ARHGAP15: variants seen among roughly 807,000 people sequenced by gnomAD.
The protein encoded by ARHGAP15 is rho GTPase-activating protein 15.
In ARHGAP15, 51 loss-of-function variants were observed where a neutral mutation model predicts 63.7. That is an observed-to-expected ratio of 0.80 (90% CI 0.64 to 1.01). The LOEUF is 1.01. Ranked by LOEUF, ARHGAP15 falls within the 50% of genes least tolerant of loss-of-function variation. ARHGAP15 has a pLI of 0.00. For synonymous variants in ARHGAP15, 191 were observed against 193.8 expected (o/e 0.99, Z 0.12); for missense variants, 560 against 564.6 (o/e 0.99, Z 0.08).
chr2:143,142,287 C>T (rs927774343), intron 1 of ARHGAP15, among the ~76,000 whole-genome samples: 1 of 151,992 alleles, frequency 6.6e-6, no homozygotes, highest in African/African-American at 2.4e-5. Context: ...CTGGAGTCCT[C>T]CAAATAACTT....
intron 11 of ARHGAP15, among the ~76,000 whole-genome samples, chr2:143,559,799 G>T (rs998530998): frequency 1.3e-5 from 2 of 152,198 alleles, no homozygotes; most frequent in Non-Finnish European, 2.9e-5. Context: ...TGGCAATGCA[G>T]GGAAAATTCC....
At chr2:143,507,462 T>C (rs1280577781) in intron 9 of ARHGAP15, among the ~76,000 whole-genome samples, 1 of 152,330 alleles carries the variant, frequency 6.6e-6, no homozygotes, top group South Asian at 2.1e-4. Context: ...TGGATCCTGC[T>C]CTTCTCCCCA....
At chr2:143,534,446 A>G (rs1047361921) in intron 10 of ARHGAP15, among the ~76,000 whole-genome samples, 1 of 152,210 alleles carries the variant, frequency 6.6e-6, no homozygotes, top group African/African-American at 2.4e-5. Context: ...GTAAAACTGC[A>G]GGAGAGTGAT....
intron 2 of ARHGAP15, among the ~76,000 whole-genome samples, chr2:143,194,938 T>C (rs1370560993): frequency 6.6e-6 from 1 of 152,184 alleles, no homozygotes; most frequent in Non-Finnish European, 1.5e-5. Flanking sequence ...CGCTTCCCTT[T>C]GGCTATCTGG....
chr2:143,258,961 G>A (rs1294195545), intron 6 of ARHGAP15, among the ~76,000 whole-genome samples: 2 of 151,642 alleles, frequency 1.3e-5, no homozygotes, highest in East Asian at 3.9e-4. Flanking sequence ...CCTTGAAAAC[G>A]GAAATACCAA....
intron 10 of ARHGAP15, among the ~76,000 whole-genome samples, chr2:143,539,690 T>C (rs1358626084): frequency 6.6e-6 from 1 of 152,150 alleles, no homozygotes; most frequent in Non-Finnish European, 1.5e-5. Context: ...TTGAGCAGTT[T>C]TGAGTGAGTT....
At chr2:143,523,494 G>C (rs1694141996) in intron 10 of ARHGAP15, among the ~76,000 whole-genome samples, 1 of 151,954 alleles carries the variant, frequency 6.6e-6, no homozygotes, top group African/African-American at 2.4e-5. Flanking sequence ...GAGTCCTTTG[G>C]TGTGAGATCT....
rs374912839 is a variant in ARHGAP15 at position 143,517,005 on chromosome 2, A to G, written c.827-2261A>G. On this transcript the variant is annotated intron_variant, in intron 9 of 13. Transcript: ENST00000295095. ...CACTCTGTTGCCAGGCCTGGAGGGC[A>G]GTGGCGCGATCTCAGCTCACTGCAA... is the stretch of plus-strand genomic sequence containing the variant. Among the ~76,000 whole-genome samples, 115 of 152,280 alleles carry G rather than the reference A, an allele frequency of 7.6e-4. 1 individual carries two copies. Among genetic ancestry groups the G allele is most frequent in the African/African-American group, 2.7e-3 (111 of 41,544 alleles).
intron 8 of ARHGAP15, among the ~76,000 whole-genome samples, chr2:143,467,552 A>T (rs571819802): frequency 1.3e-5 from 2 of 152,192 alleles, no homozygotes; most frequent in East Asian, 1.9e-4. Flanking sequence ...TTACTGATTT[A>T]AAAAATACTA....
intron 10 of ARHGAP15, among the ~76,000 whole-genome samples, chr2:143,550,764 T>G (rs1695523630): frequency 6.6e-6 from 1 of 152,222 alleles, no homozygotes; most frequent in Non-Finnish European, 1.5e-5. Context: ...TAAATTTTAA[T>G]GTTAAACCCC....
intron 13 of ARHGAP15, among the ~76,000 whole-genome samples, chr2:143,715,364 G>A (rs1470723000): frequency 6.6e-6 from 1 of 152,182 alleles, no homozygotes; most frequent in Non-Finnish European, 1.5e-5. Flanking sequence ...TGAGATTTCG[G>A]TAGGAACACA....
At position 143,470,570 on chromosome 2, in the gene ARHGAP15, A is replaced by AGT. The variant is rs996972025; in HGVS notation, c.704-16792_704-16791dup. 8.7e-5 allele frequency among the ~76,000 whole-genome samples: 13 copies of AGT among 150,056 alleles called. 1 individual carries two copies. Among genetic ancestry groups the AGT allele is most frequent in the East Asian group, 2.0e-4 (1 of 5,098 alleles). Reference sequence around the variant, plus strand: ...TCATTCTGGGAAATAGCATAAAAGTAGTGTGTGTGTGTACATATATATATG... The same window carrying AGT: ...TCATTCTGGGAAATAGCATAAAAGTAGTGTGTGTGTGTGTACATATATATATG... On this transcript the variant is annotated intron_variant, in intron 8 of 13. Coordinates refer to ENST00000295095, the MANE Select transcript of ARHGAP15 (RefSeq NM_018460.4).
intron 6 of ARHGAP15, among the ~76,000 whole-genome samples, chr2:143,322,140 A>C (rs1405836694): frequency 6.6e-6 from 1 of 152,108 alleles, no homozygotes; most frequent in Non-Finnish European, 1.5e-5. Context: ...AGTTCCAATG[A>C]GGCCGCTCAA....
intron 13 of ARHGAP15, among the ~76,000 whole-genome samples, chr2:143,723,640 T>C (rs1685158513): frequency 6.6e-6 from 1 of 152,222 alleles, no homozygotes; most frequent in Non-Finnish European, 1.5e-5. Flanking sequence ...GCACCTACTG[T>C]ATGCCAGGCA....
chr2:143,742,928 T>C (rs4462742), intron 13 of ARHGAP15, among the ~76,000 whole-genome samples: 1 of 152,188 alleles, frequency 6.6e-6, no homozygotes, highest in African/African-American at 2.4e-5. Flanking sequence ...TTTATTCTCC[T>C]GCCAGGAAAG....
chr2:143,667,656 T>A (rs546837977), intron 12 of ARHGAP15, among the ~76,000 whole-genome samples: 1 of 150,906 alleles, frequency 6.6e-6, no homozygotes, highest in African/African-American at 2.4e-5. Flanking sequence ...GAAAATGCAA[T>A]TTATCATAAT....
chr2:143,191,064 C>T (rs568666914), intron 2 of ARHGAP15, among the ~76,000 whole-genome samples: 5 of 152,198 alleles, frequency 3.3e-5, no homozygotes, highest in African/African-American at 4.8e-5. Context: ...CCACCGCACC[C>T]GGCCCACCTA....
intron 6 of ARHGAP15, among the ~76,000 whole-genome samples, chr2:143,407,577 T>C (rs947778345): frequency 6.5e-4 from 99 of 151,866 alleles, no homozygotes; most frequent in Admixed American, 6.3e-3. Context: ...CATGTAGATA[T>C]TGGTTTTTTG....
chr2:143,257,630 T>C (rs2105003346), intron 6 of ARHGAP15, among the ~76,000 whole-genome samples: 1 of 152,292 alleles, frequency 6.6e-6, no homozygotes, highest in Non-Finnish European at 1.5e-5. Flanking sequence ...GAACATATTC[T>C]GTTTCTTGAT....
Sources: allele counts gnomAD v4.1 joint callset (sites outside exome capture counted in the v4.1 genomes callset), GRCh38; gene constraint gnomAD v4.1.1; transcripts MANE v1.5; gene names NCBI Gene and HGNC (gene_info 2026-07-23, HGNC 2026-07-21).